Variants in ALK observed in about 807,000 individuals in gnomAD.
The protein encoded by ALK is ALK receptor tyrosine kinase.
Under a neutral mutation model 163.1 loss-of-function variants are expected in ALK, and 74 were observed. That is an observed-to-expected ratio of 0.45 (90% confidence interval 0.38 to 0.55). The LOEUF (loss-of-function observed/expected upper bound fraction) is 0.55. ALK is among the 20% of genes least tolerant of loss of function. The pLI is 0.00. For synonymous variants in ALK, 960 were observed against 843.2 expected (o/e 1.14, Z -2.40); for missense variants, 2,063 against 2,105.3 (o/e 0.98, Z 0.39).
intron 3 of ALK, among the ~76,000 whole-genome samples, chr2:29,680,494 C>T (rs1046965751): frequency 2.6e-5 from 4 of 151,662 alleles, no homozygotes; most frequent in African/African-American, 9.7e-5. Flanking sequence ...ATTTTAGTTA[C>T]TGCACTTTCC....
intron 4 of ALK, among the ~76,000 whole-genome samples, chr2:29,458,438 C>T (rs1671011128): frequency 6.6e-6 from 1 of 152,144 alleles, no homozygotes. Context: ...CTTTCCAATG[C>T]TCTGGGCTAA....
intron 3 of ALK, among the ~76,000 whole-genome samples, chr2:29,609,938 G>A (rs1485572538): frequency 2.0e-5 from 3 of 152,076 alleles, no homozygotes; most frequent in Non-Finnish European, 4.4e-5. Context: ...CACTGCACCT[G>A]GCCTAGATTT....
At chr2:29,534,266 C>T (rs1558371842) in intron 3 of ALK, among the ~76,000 whole-genome samples, 1 of 152,140 alleles carries the variant, frequency 6.6e-6, no homozygotes, top group Non-Finnish European at 1.5e-5. Context: ...TCATCTTGCA[C>T]CACAAGTCCA....
chr2:29,797,215 T>C (rs1341733531), intron 1 of ALK, among the ~76,000 whole-genome samples: 1 of 152,206 alleles, frequency 6.6e-6, no homozygotes, highest in Non-Finnish European at 1.5e-5. Flanking sequence ...TTCCTTTAAC[T>C]GTCCCATCCT....
At chr2:29,521,559 G>A (rs1389253584) in intron 4 of ALK, among the ~76,000 whole-genome samples, 2 of 152,230 alleles carry the variant, frequency 1.3e-5, no homozygotes, top group African/African-American at 4.8e-5. Context: ...TTCTGTAAAA[G>A]CAAGGAGTTT....
Position 29,220,796 on chromosome 2 carries a change from C to A in ALK, c.3555G>T (p.Val1185=), listed in dbSNP as rs777309744. The change falls in exon 23 of 29, where the codon GTG becomes GTT. Residue 1185 remains valine, a synonymous_variant. Coordinates refer to ENST00000389048, the MANE Select transcript of ALK (RefSeq NM_004304.5). ...NHQNIVRCIG[V]SLQSLPRFIL... is the part of the protein sequence containing the mutation. ...TGAACCGGGGCAGGGATTGCAGGCT[C>A]ACCCCAATGCAGCGAACAATGTTCT... is the stretch of plus-strand genomic sequence containing the variant. 3 of 1,614,146 alleles carry A rather than the reference C, an allele frequency of 1.9e-6. No homozygotes were observed. The highest frequency in any genetic ancestry group is 2.2e-5 in the South Asian group (2 of 91,072).
chr2:29,819,223 A>AACTGAG (rs1664978227), intron 1 of ALK, among the ~76,000 whole-genome samples: 1 of 152,206 alleles, frequency 6.6e-6, no homozygotes, highest in South Asian at 2.1e-4. Flanking sequence ...TCACATTACA[A>AACTGAG]ACTGAGAAAC....
chr2:29,220,986 G>C (rs1388145365), intron 22 of ALK, 151 bp from the exon 23 acceptor site: 4 of 1,091,558 alleles, frequency 3.7e-6, no homozygotes, highest in Non-Finnish European at 5.5e-6. Flanking sequence ...CCCGGGCTGA[G>C]CCTAAACCCA....
intron 4 of ALK, among the ~76,000 whole-genome samples, chr2:29,392,239 C>T (rs1416756810): frequency 6.6e-6 from 1 of 152,116 alleles, no homozygotes; most frequent in Non-Finnish European, 1.5e-5. Flanking sequence ...ATATCATCAT[C>T]CTCATTTTAT....
chr2:29,651,259 A>G (rs1389947475), intron 3 of ALK, among the ~76,000 whole-genome samples: 2 of 152,160 alleles, frequency 1.3e-5, no homozygotes, highest in African/African-American at 4.8e-5. Context: ...AACGTGTAAA[A>G]CAAGCAAAGG....
rs1278379684 is a variant in ALK at position 29,246,997 on chromosome 2, C to T, written c.2204+4108G>A. On this transcript the variant is annotated intron_variant, in intron 12 of 28. Transcript: ENST00000389048. The surrounding 1 kb of genome is among the most constrained non-coding windows in gnomAD (Gnocchi z 4.3). ...TCATCGGCAGTACCGACTTCTTGTG[C>T]TCACCGCAGGCTCTGGCCACCCGCT... Among the ~76,000 whole-genome samples the T allele has an allele frequency of 6.6e-6, 1 of 152,240 alleles. No individual in the cohort carries two copies. Among genetic ancestry groups the T allele is most frequent in the African/African-American group, 2.4e-5 (1 of 41,468 alleles).
intron 28 of ALK, among the ~76,000 whole-genome samples, chr2:29,194,403 C>A (rs1427798479): frequency 6.6e-6 from 1 of 152,078 alleles, no homozygotes; most frequent in African/African-American, 2.4e-5. Context: ...ATTTTTTGAT[C>A]TCTTCCCAGC....
At chr2:29,622,146 A>G (rs17008349) in intron 3 of ALK, among the ~76,000 whole-genome samples, 2,216 of 152,282 alleles carry the variant, frequency 0.015, 57 homozygotes, top group African/African-American at 0.051. Flanking sequence ...GGTAAATCTG[A>G]TCGTATATCA....
chr2:29,862,413 G>A (rs1234682128), intron 1 of ALK, among the ~76,000 whole-genome samples: 6 of 151,986 alleles, frequency 3.9e-5, no homozygotes, highest in Non-Finnish European at 2.9e-5. Flanking sequence ...TTCCACCAAC[G>A]AACTGTTAGA....
Position 29,227,023 on chromosome 2 carries a change from T to G in ALK, c.2966A>C (p.His989Pro). 6.2e-7 allele frequency: 1 copy of G among 1,614,170 alleles called. No individual in the cohort carries two copies. The highest frequency in any genetic ancestry group is 8.5e-7 in the Non-Finnish European group (1 of 1,180,026). The change falls in exon 18 of 29, where the codon CAC (histidine) becomes CCC (proline). Residue 989 changes from histidine (H) to proline (P), a missense_variant. Physicochemically the swap from His to Pro is moderately conservative, Grantham distance 77. Transcript: ENST00000389048. This position sits in a 1 kb window ranked among gnomAD's most constrained non-coding sequence, Gnocchi z 4.4. ...CATGTGACATTCGTCTACCTCACAG[T>G]GACTGCAGTTTAGATAATGCTTAAT... The part of the protein sequence containing the change: ...VNIKHYLNCS[H>P]CEVDECHMDP...
intron 3 of ALK, among the ~76,000 whole-genome samples, chr2:29,689,428 T>C (rs1229960058): frequency 6.6e-6 from 1 of 152,190 alleles, no homozygotes; most frequent in Non-Finnish European, 1.5e-5. Context: ...TGGGATACAG[T>C]TCACTTGAGA....
chr2:29,268,776 T>G (rs6547916), intron 11 of ALK, among the ~76,000 whole-genome samples: 135,349 of 152,170 alleles, frequency 0.89, 61,487 homozygotes, highest in Non-Finnish European at 0.99. Flanking sequence ...AGACTTTGGA[T>G]TGAGCCGGCT....
intron 4 of ALK, among the ~76,000 whole-genome samples, chr2:29,413,601 A>G (rs7603208): frequency 0.45 from 67,718 of 151,530 alleles, 15,584 homozygotes; most frequent in East Asian, 0.71. Flanking sequence ...GTGCAATCTC[A>G]GCTCACTGCA....
intron 3 of ALK, among the ~76,000 whole-genome samples, chr2:29,573,659 A>G (rs754744076): frequency 1.3e-5 from 2 of 152,164 alleles, no homozygotes; most frequent in Non-Finnish European, 2.9e-5. Context: ...GCAGAGTTTA[A>G]CAGCTGCAAC....
Sources: allele counts gnomAD v4.1 joint callset (sites outside exome capture counted in the v4.1 genomes callset), GRCh38; gene constraint gnomAD v4.1.1; non-coding constraint Gnocchi (gnomAD v3.1); transcripts MANE v1.5; gene names NCBI Gene and HGNC (gene_info 2026-07-23, HGNC 2026-07-21).